The following SOX6 variants were observed in gnomAD, a reference collection of about 807,000 sequenced individuals.
SOX6 encodes SRY-box transcription factor 6.
SOX6 carries 11 observed loss-of-function variants against 97.8 expected under a neutral mutation model. That is an observed-to-expected ratio of 0.11 (90% CI 0.07 to 0.19). SOX6 has a LOEUF of 0.19. SOX6 is among the 10% of genes least tolerant of loss of function. SOX6 has a pLI of 1.00. For synonymous variants in SOX6, 360 were observed against 371.4 expected (o/e 0.97, Z 0.35); for missense variants, 810 against 1,039.5 (o/e 0.78, Z 3.04).
intron 12 of SOX6, 132 bp from the exon 13 acceptor site, chr11:16,015,182 A>G: frequency 1.3e-6 from 1 of 787,704 alleles, no homozygotes. Context: ...GACTCTGAAA[A>G]TCTTTCAGGA....
intron 9 of SOX6, among the ~76,000 whole-genome samples, chr11:16,077,311 T>C (rs1245727148): frequency 2.0e-5 from 3 of 152,132 alleles, no homozygotes; most frequent in African/African-American, 2.4e-5. Flanking sequence ...ATGACTATTA[T>C]TAAAAAGCCA....
chr11:16,688,425 G>A (rs1254334115), intron 3 of SOX6, among the ~76,000 whole-genome samples: 1 of 152,042 alleles, frequency 6.6e-6, no homozygotes, highest in Non-Finnish European at 1.5e-5. Context: ...AATTGAATTA[G>A]TCCCACAGCT....
Position 16,611,645 on chromosome 11 carries a change from C to A in SOX6, n.609+436G>T, listed in dbSNP as rs957031491. The stretch of plus-strand genomic sequence containing the variant: ...TAACCTGAACTACCAAATAACAGTG[C>A]CCTTGGGACTCTGCCTCAAAGAGGT... On this transcript the variant is annotated intron_variant and non_coding_transcript_variant, in intron 4 of 5. Coordinates refer to the SOX6 transcript ENST00000524520. 3.9e-5 allele frequency among the ~76,000 whole-genome samples: 6 copies of A among 152,186 alleles called. No homozygotes were observed. In the East Asian group the frequency reaches 9.6e-4, roughly 24 times the overall value.
At chr11:16,236,122 A>C (rs1853013017) in intron 3 of SOX6, among the ~76,000 whole-genome samples, 1 of 151,444 alleles carries the variant, frequency 6.6e-6, no homozygotes, top group Non-Finnish European at 1.5e-5. Context: ...TTCTTTCTTT[A>C]TTCCATTATT....
intron 4 of SOX6, among the ~76,000 whole-genome samples, chr11:16,190,472 C>A (rs943642819): frequency 3.9e-5 from 6 of 152,196 alleles, no homozygotes; most frequent in Non-Finnish European, 7.3e-5. Flanking sequence ...ACTATTCACA[C>A]AGCATTTACA....
chr11:16,049,898 G>C lies in SOX6; in HGVS notation c.1292C>G (p.Pro431Arg). The change falls in exon 11 of 16, where the codon CCC (proline) becomes CGC (arginine). Residue 431 changes from proline to arginine, a missense_variant. By Grantham distance (103) the Pro-to-Arg change is moderately radical. This residue lies in a region of SOX6 where 244 missense variants were observed against 261.0 expected (regional missense o/e 0.93). Transcript: ENST00000683767. ...AAQPLNLSSR[P>R]KTAEPVKSPT... Reference sequence around the variant, plus strand: ...GGACTTTACAGGCTCTGCTGTCTTGGGTCGGGATGAGAGATTCAGAGGCTG... The same window carrying C: ...GGACTTTACAGGCTCTGCTGTCTTGCGTCGGGATGAGAGATTCAGAGGCTG... 6.2e-7 allele frequency: 1 copy of C among 1,613,590 alleles called. No individual in the cohort carries two copies. The highest frequency in any genetic ancestry group is 8.5e-7 in the Non-Finnish European group (1 of 1,179,742).
At chr11:16,408,135 G>A (rs959375287) in intron 1 of SOX6, among the ~76,000 whole-genome samples, 79 of 152,240 alleles carry the variant, frequency 5.2e-4, no homozygotes, top group African/African-American at 1.8e-3. Context: ...TCATGGAAAA[G>A]AGCAAAGCTA....
At chr11:16,179,787 A>G (rs550998955) in intron 6 of SOX6, among the ~76,000 whole-genome samples, 1 of 152,066 alleles carries the variant, frequency 6.6e-6, no homozygotes, top group East Asian at 1.9e-4. Context: ...GTCCATTCTT[A>G]AGAGATCGTT....
At chr11:15,983,815 G>A (rs2119817622) in intron 15 of SOX6, among the ~76,000 whole-genome samples, 1 of 152,216 alleles carries the variant, frequency 6.6e-6, no homozygotes, top group Middle Eastern at 3.4e-3. Flanking sequence ...ATAAAGGACT[G>A]TTCTACACTA....
chr11:16,581,730 G>A (rs984539137), intron 4 of SOX6, among the ~76,000 whole-genome samples: 2 of 152,080 alleles, frequency 1.3e-5, no homozygotes, highest in Admixed American at 1.3e-4. Context: ...TTGGGAGACC[G>A]AGGTGGGTGG....
At chr11:16,617,661 T>C (rs1479992400) in intron 3 of SOX6, among the ~76,000 whole-genome samples, 1 of 151,830 alleles carries the variant, frequency 6.6e-6, no homozygotes, top group Non-Finnish European at 1.5e-5. Flanking sequence ...ATATAAACAG[T>C]GAACAGTAAG....
At chr11:16,183,578 G>T (rs995424690) in intron 6 of SOX6, among the ~76,000 whole-genome samples, 3 of 151,940 alleles carry the variant, frequency 2.0e-5, no homozygotes, top group Non-Finnish European at 2.9e-5. Flanking sequence ...GTGGTCAGTG[G>T]CAATAAAAAA....
intron 2 of SOX6, among the ~76,000 whole-genome samples, chr11:16,721,526 CT>C: frequency 1.4e-5 from 1 of 69,100 alleles, no homozygotes; most frequent in Non-Finnish European, 3.0e-5. Flanking sequence ...CTCTCTCTCT[CT>C]CTCTCTCTCT....
chr11:16,166,079 T>C (rs1456879046), intron 6 of SOX6, among the ~76,000 whole-genome samples: 1 of 152,140 alleles, frequency 6.6e-6, no homozygotes, highest in Non-Finnish European at 1.5e-5. Context: ...AATGAAACTG[T>C]AGTATAAATG....
At chr11:16,046,084 G>C (rs561955710) in intron 12 of SOX6, among the ~76,000 whole-genome samples, 1 of 152,108 alleles carries the variant, frequency 6.6e-6, no homozygotes, top group African/African-American at 2.4e-5. Flanking sequence ...GCTTTGTTTT[G>C]CTTCATTTTT....
At chr11:16,436,787 C>G (rs1859384054) in intron 1 of SOX6, among the ~76,000 whole-genome samples, 1 of 152,154 alleles carries the variant, frequency 6.6e-6, no homozygotes, top group African/African-American at 2.4e-5. Context: ...TGACACTTCG[C>G]TCTCATTTTA....
At chr11:16,319,427 A>G (rs1259308147) in intron 2 of SOX6, among the ~76,000 whole-genome samples, 2 of 152,092 alleles carry the variant, frequency 1.3e-5, no homozygotes, top group Non-Finnish European at 2.9e-5. Context: ...GGTTTTTCAC[A>G]TATGTATACA....
chr11:16,239,695 A>G (rs1430734742), intron 3 of SOX6, among the ~76,000 whole-genome samples: 2 of 152,092 alleles, frequency 1.3e-5, no homozygotes, highest in Non-Finnish European at 2.9e-5. Flanking sequence ...GCAATGATAT[A>G]AACATCAACA....
rs1049381603 is a variant in SOX6, at chr11:16,030,768, C to T, written c.1624-15718G>A. ...GCTTGAAATAGACTTCACTTCCTTT[C>T]TACACCCTCTCCTTCTCACCACCAC... On this transcript the variant is annotated intron_variant, in intron 12 of 15. Transcript: ENST00000683767. 3.3e-5 allele frequency among the ~76,000 whole-genome samples: 5 copies of T among 152,066 alleles called. No homozygotes were observed. In the South Asian group the frequency reaches 1.0e-3, roughly 32 times the overall value.
Sources: gnomAD v4.1 joint callset for allele counts (sites outside exome capture counted in the v4.1 genomes callset) on GRCh38, gnomAD v4.1.1 for gene constraint, gnomAD v4.1.1 regional missense constraint, MANE v1.5 for transcripts, NCBI Gene and HGNC (gene_info 2026-07-23, HGNC 2026-07-21) for gene names.